The following ITGA2 variants were observed in gnomAD, a reference collection of about 807,000 sequenced individuals.
ITGA2 encodes integrin subunit alpha 2, also known as integrin alpha-2.
A neutral mutation model predicts 146.3 loss-of-function variants in ITGA2; 101 were observed. The observed-to-expected ratio is 0.69, with a 90% CI of 0.59 to 0.81. The LOEUF (loss-of-function observed/expected upper bound fraction) is 0.81, where lower values mean the gene tolerates loss of function less well. ITGA2 is among the 40% of genes least tolerant of loss of function. The probability of loss-of-function intolerance (pLI) is 0.00; values close to 1 mark genes in which losing one functional copy is unlikely to be tolerated. For synonymous variants in ITGA2, 477 were observed against 487.1 expected (o/e 0.98, Z 0.27); for missense variants, 1,281 against 1,402.7 (o/e 0.91, Z 1.39).
At chr5:53,087,872 T>C (rs1439059816) in intron 28 of ITGA2, among the ~76,000 whole-genome samples, 1 of 152,208 alleles carries the variant, frequency 6.6e-6, no homozygotes, top group East Asian at 1.9e-4. Flanking sequence ...AGCTTGGCAG[T>C]TGGCCTCAGT....
rs114294829 is a variant in ITGA2, at chr5:53,082,692, A to G, written c.3145-648A>G. Among the ~76,000 whole-genome samples, 982 of 152,278 alleles carry G rather than the reference A, an allele frequency of 6.4e-3. 8 individuals carry two copies. Among genetic ancestry groups the G allele is most frequent in the African/African-American group, 0.021 (880 of 41,564 alleles). On this transcript the variant is annotated intron_variant, in intron 26 of 29. Coordinates refer to ENST00000296585, the MANE Select transcript of ITGA2 (RefSeq NM_002203.4). ...ACTATATCATTATCAACCAAAATCC[A>G]TAGTTTACATTAGGGTTCACTCTTG...
chr5:53,044,728 T>TA (rs767574809), intron 3 of ITGA2, among the ~76,000 whole-genome samples: 7 of 151,970 alleles, frequency 4.6e-5, no homozygotes, highest in East Asian at 3.9e-4. Context: ...TAGAATATTG[T>TA]AAAAAAAATC....
intron 2 of ITGA2, among the ~76,000 whole-genome samples, chr5:53,035,694 A>G (rs1743455842): frequency 6.6e-6 from 1 of 152,186 alleles, no homozygotes; most frequent in Non-Finnish European, 1.5e-5. Context: ...TTTCCATCAC[A>G]AATTCATTTT....
chr5:53,071,875 G>T (rs1745414035), intron 17 of ITGA2, 63 bp from the exon 18 acceptor site: 2 of 1,140,392 alleles, frequency 1.8e-6, no homozygotes, highest in Non-Finnish European at 2.7e-6. Flanking sequence ...TTGTTTTAAT[G>T]TTGCTATGCT....
chr5:53,066,923 C>T (rs1435227566), intron 15 of ITGA2, among the ~76,000 whole-genome samples, 195 bp from the exon 16 acceptor site: 1 of 151,600 alleles, frequency 6.6e-6, no homozygotes, highest in Non-Finnish European at 1.5e-5. Flanking sequence ...GTTAGTGATG[C>T]AGTCACAAAT....
At chr5:53,057,712 C>T (rs1744707197) in intron 9 of ITGA2, among the ~76,000 whole-genome samples, 1 of 151,934 alleles carries the variant, frequency 6.6e-6, no homozygotes, top group Non-Finnish European at 1.5e-5. Context: ...TTACCTTATA[C>T]CCTTTGTTGA....
intron 4 of ITGA2, 41 bp downstream of exon 4, chr5:53,045,133 G>A (rs906826005): frequency 4.2e-6 from 6 of 1,434,104 alleles, no homozygotes; most frequent in Non-Finnish European, 5.9e-6. Flanking sequence ...TCTCAAGAAA[G>A]TACATAGACA....
At chr5:53,081,133 C>T (rs1474605449) in intron 25 of ITGA2, among the ~76,000 whole-genome samples, 2 of 152,082 alleles carry the variant, frequency 1.3e-5, no homozygotes, top group East Asian at 3.9e-4. Flanking sequence ...TAACCACCCC[C>T]ACTCCATCCA....
At chr5:52,990,537 A>C (rs1448900123) in intron 1 of ITGA2, among the ~76,000 whole-genome samples, 1 of 151,470 alleles carries the variant, frequency 6.6e-6, no homozygotes. Context: ...CAAAACAAAA[A>C]AGTTGTCTCT....
intron 12 of ITGA2, among the ~76,000 whole-genome samples, chr5:53,062,035 T>C (rs1039115713): frequency 2.0e-5 from 3 of 151,900 alleles, no homozygotes; most frequent in African/African-American, 7.2e-5. Context: ...TCAAAAAGTG[T>C]TCACATAGGC....
chr5:53,077,255 C>A (rs1181739860), intron 23 of ITGA2, among the ~76,000 whole-genome samples: 1 of 151,892 alleles, frequency 6.6e-6, no homozygotes, highest in African/African-American at 2.4e-5. Context: ...TTTTGTTTAA[C>A]CATCATAAGC....
At chr5:52,993,003 A>G (rs1741051752) in intron 1 of ITGA2, among the ~76,000 whole-genome samples, 1 of 152,126 alleles carries the variant, frequency 6.6e-6, no homozygotes, top group Admixed American at 6.5e-5. Flanking sequence ...TTAGTGTGAA[A>G]ATATTTTCCA....
In ITGA2 at chr5:53,042,147, A is replaced by G. The variant is rs1185294110; in HGVS notation, c.221A>G (p.Glu74Gly). 6.2e-7 allele frequency: 1 copy of G among 1,613,440 alleles called. No individual in the cohort carries two copies. The highest frequency in any genetic ancestry group is 1.1e-5 in the South Asian group (1 of 91,072). The part of the protein sequence containing the change: ...LVGSPWSGFP[E>G]NRMGDVYKCP... ...GGTTCACCCTGGAGTGGCTTTCCTG[A>G]GAACCGAATGGGAGATGTGTATAAA... The change falls in exon 3 of 30, where the codon GAG (glutamate) becomes GGG (glycine). Residue 74 changes from glutamate to glycine, a missense_variant. Physicochemically the swap from Glu to Gly is moderately conservative, Grantham distance 98 (BLOSUM62 -2). Around this residue, in one of 3 missense-constraint regions of ITGA2, gnomAD observed 795 missense variants for 841.7 expected, o/e 0.94. Coordinates refer to ENST00000296585, the MANE Select transcript of ITGA2 (RefSeq NM_002203.4).
chr5:53,045,841 T>C (rs1339452916), intron 4 of ITGA2, among the ~76,000 whole-genome samples: 2 of 152,170 alleles, frequency 1.3e-5, no homozygotes, highest in Non-Finnish European at 1.5e-5. Context: ...ACAATCTTAT[T>C]TGAAATTTCC....
In ITGA2 at chr5:53,065,979, T is replaced by C; in HGVS notation, c.1943+2T>C. ...CTTTGGACAAGTGGTTCAACTCTGG[T>C]GAGTCAGGAAGAGCCAGACACAAAC... On this transcript the variant is annotated splice_donor_variant, in intron 15 of 29. Transcript: ENST00000296585. LOFTEE classifies it high-confidence loss of function. 1 of 1,611,700 alleles carries C rather than the reference T, an allele frequency of 6.2e-7. No homozygotes were observed. The highest frequency in any genetic ancestry group is 1.1e-5 in the South Asian group (1 of 91,042).
intron 28 of ITGA2, 35 bp downstream of exon 28, chr5:53,087,076 G>A (rs750087086): frequency 2.1e-6 from 3 of 1,424,912 alleles, no homozygotes; most frequent in Non-Finnish European, 2.0e-6. Flanking sequence ...TGAGCCTCAG[G>A]GTCTGTGATG....
chr5:53,067,092 C>A, intron 15 of ITGA2, 26 bp from the exon 16 acceptor site: 1 of 1,603,988 alleles, frequency 6.2e-7, no homozygotes, highest in Middle Eastern at 1.9e-4. Context: ...AACATCCATC[C>A]ATCTGTTACT....
intron 3 of ITGA2, among the ~76,000 whole-genome samples, chr5:53,044,048 G>T (rs886840666): frequency 6.6e-6 from 1 of 151,844 alleles, no homozygotes; most frequent in Non-Finnish European, 1.5e-5. Flanking sequence ...GCCGAGGTGG[G>T]TAGATAGCCT....
At chr5:53,036,605 G>A (rs10051913) in intron 2 of ITGA2, among the ~76,000 whole-genome samples, 113,052 of 151,998 alleles carry the variant, frequency 0.74, 42,287 homozygotes, top group African/African-American at 0.79. Flanking sequence ...CCATTCCGAT[G>A]AAGATTATAC....
Sources: gnomAD v4.1 joint callset for allele counts (sites outside exome capture counted in the v4.1 genomes callset) on GRCh38, gnomAD v4.1.1 for gene constraint, gnomAD v4.1.1 regional missense constraint, MANE v1.5 for transcripts, NCBI Gene and HGNC (gene_info 2026-07-23, HGNC 2026-07-21) for gene names.